The following OSBPL1A variants were observed in gnomAD, a reference collection of about 807,000 sequenced individuals.
OSBPL1A encodes oxysterol-binding protein-related protein 1.
Under a neutral mutation model 137.1 loss-of-function variants are expected in OSBPL1A, and 80 were observed. The observed-to-expected ratio is 0.58, with a 90% CI of 0.49 to 0.70. The LOEUF (loss-of-function observed/expected upper bound fraction) is 0.70, where lower values mean the gene tolerates loss of function less well. OSBPL1A is among the 30% of genes least tolerant of loss of function. The probability of loss-of-function intolerance (pLI) is 0.00; values close to 1 mark genes in which losing one functional copy is unlikely to be tolerated. For missense variants in OSBPL1A, 970 were observed against 1,129.4 expected (o/e 0.86, Z 2.02); for synonymous variants, 365 against 389.7 (o/e 0.94, Z 0.75).
chr18:24,269,472 A>G (rs531380988), intron 15 of OSBPL1A, among the ~76,000 whole-genome samples: 20 of 152,344 alleles, frequency 1.3e-4, no homozygotes, highest in African/African-American at 4.8e-4. Flanking sequence ...AGATGACTAC[A>G]TAGATTTTAG....
intron 7 of OSBPL1A, among the ~76,000 whole-genome samples, chr18:24,328,036 C>CT (rs10563779): frequency 0.012 from 1,195 of 95,618 alleles, 40 homozygotes; most frequent in East Asian, 0.037. Flanking sequence ...AGAAATCACA[C>CT]TTTTTTTTTT....
chr18:24,211,283 A>G (rs1158719689), intron 17 of OSBPL1A, among the ~76,000 whole-genome samples: 1 of 152,190 alleles, frequency 6.6e-6, no homozygotes, highest in Non-Finnish European at 1.5e-5. Context: ...TAACATTTTT[A>G]TAGAAAAAGA....
At chr18:24,204,485 G>A (rs2087313312) in intron 17 of OSBPL1A, among the ~76,000 whole-genome samples, 1 of 151,460 alleles carries the variant, frequency 6.6e-6, no homozygotes, top group South Asian at 2.1e-4. Flanking sequence ...TTACAAACAA[G>A]TATGTCTCCT....
intron 5 of OSBPL1A, 85 bp downstream of exon 5, chr18:24,341,462 T>C: frequency 1.1e-6 from 1 of 908,100 alleles, no homozygotes; most frequent in Non-Finnish European, 1.8e-6. Context: ...CTCTGTTTTG[T>C]CCTCTTTCTC....
intron 4 of OSBPL1A, chr18:24,358,587 G>T (rs768924184): frequency 8.6e-6 from 6 of 696,042 alleles, no homozygotes; most frequent in Non-Finnish European, 1.0e-5. Flanking sequence ...AAGTTGTCTG[G>T]GCATCGCCTG....
chr18:24,250,325 C>T (rs1218207655), intron 15 of OSBPL1A, among the ~76,000 whole-genome samples: 2 of 152,054 alleles, frequency 1.3e-5, no homozygotes, highest in African/African-American at 2.4e-5. Context: ...TACAGGTGCA[C>T]GCTACCACGC....
intron 2 of OSBPL1A, among the ~76,000 whole-genome samples, chr18:24,372,796 G>T (rs1905764886): frequency 6.6e-6 from 1 of 152,128 alleles, no homozygotes; most frequent in Admixed American, 6.6e-5. Flanking sequence ...AGGCACTGCA[G>T]CTCACACCTG....
intron 17 of OSBPL1A, among the ~76,000 whole-genome samples, chr18:24,222,407 C>T (rs1476473272): frequency 6.6e-6 from 1 of 152,018 alleles, no homozygotes; most frequent in Non-Finnish European, 1.5e-5. Flanking sequence ...AGTATCTTTA[C>T]CAAATATAAT....
At chr18:24,213,819 C>T (rs1303357948) in intron 17 of OSBPL1A, among the ~76,000 whole-genome samples, 2 of 152,134 alleles carry the variant, frequency 1.3e-5, no homozygotes, top group Non-Finnish European at 2.9e-5. Context: ...AACTGATTTT[C>T]ACAATGGATT....
intron 17 of OSBPL1A, among the ~76,000 whole-genome samples, chr18:24,200,307 T>C (rs1433940045): frequency 6.6e-6 from 1 of 152,144 alleles, no homozygotes; most frequent in Non-Finnish European, 1.5e-5. Context: ...CTCACGCCTG[T>C]AATCCCAACA....
At chr18:24,285,073 G>A (rs1222093109) in intron 14 of OSBPL1A, among the ~76,000 whole-genome samples, 1 of 152,052 alleles carries the variant, frequency 6.6e-6, no homozygotes, top group Non-Finnish European at 1.5e-5. Flanking sequence ...AAACAACAAC[G>A]ACGACAAAAT....
intron 9 of OSBPL1A, among the ~76,000 whole-genome samples, chr18:24,317,702 G>T (rs1041943223): frequency 7.2e-5 from 11 of 152,074 alleles, no homozygotes; most frequent in African/African-American, 2.7e-4. Flanking sequence ...GGGCTTCAAA[G>T]ACAATTTCCT....
At chr18:24,348,239 A>C (rs754986670) in intron 4 of OSBPL1A, among the ~76,000 whole-genome samples, 8 of 152,210 alleles carry the variant, frequency 5.3e-5, no homozygotes, top group Non-Finnish European at 8.8e-5. Context: ...AGAAAAATCA[A>C]AGATATACCA....
At chr18:24,209,035 A>T (rs1189003554) in intron 17 of OSBPL1A, among the ~76,000 whole-genome samples, 1 of 152,224 alleles carries the variant, frequency 6.6e-6, no homozygotes, top group Non-Finnish European at 1.5e-5. Flanking sequence ...CCCCCAAGAG[A>T]GCACTAACAT....
Position 24,163,043 on chromosome 18 carries a change from G to T in OSBPL1A, c.*136C>A. ...TCGCCTTATACCCTGCTTTTGTTGG[G>T]TGAAATGCAGTTATCTCATGAGTGT... On this transcript the variant is annotated 3_prime_UTR_variant, in exon 28 of 28. Transcript: ENST00000319481. 1 of 608,612 alleles carries T rather than the reference G, an allele frequency of 1.6e-6. No individual in the cohort carries two copies. The highest frequency in any genetic ancestry group is 3.0e-5 in the East Asian group (1 of 33,024). The allele number at this position is 608,612 out of a possible 1,614,324, so 37.7% of individuals were successfully genotyped here.
chr18:24,275,154 C>T (rs1303800783), intron 15 of OSBPL1A, among the ~76,000 whole-genome samples: 1 of 152,090 alleles, frequency 6.6e-6, no homozygotes, highest in African/African-American at 2.4e-5. Context: ...GAAAGTATCA[C>T]ATTTTCAAAA....
At chr18:24,387,341 C>T (rs1267525982) in intron 1 of OSBPL1A, among the ~76,000 whole-genome samples, 1 of 152,160 alleles carries the variant, frequency 6.6e-6, no homozygotes, top group Non-Finnish European at 1.5e-5. Flanking sequence ...AGGCATGAGC[C>T]ACCATGCCCA....
chr18:24,177,614 C>A (rs1230952122), intron 21 of OSBPL1A, among the ~76,000 whole-genome samples: 1 of 152,146 alleles, frequency 6.6e-6, no homozygotes, highest in Non-Finnish European at 1.5e-5. Context: ...AAGAGAACTC[C>A]CAATTTATCT....
At chr18:24,187,293 G>C (rs1599458461) in intron 18 of OSBPL1A, among the ~76,000 whole-genome samples, 1 of 152,300 alleles carries the variant, frequency 6.6e-6, no homozygotes, top group East Asian at 1.9e-4. Flanking sequence ...AAGCTGAAGA[G>C]AGTTCTGTGG....
Sources: gnomAD v4.1 joint callset for allele counts (sites outside exome capture counted in the v4.1 genomes callset) on GRCh38, gnomAD v4.1.1 for gene constraint, MANE v1.5 for transcripts, NCBI Gene and HGNC (gene_info 2026-07-23, HGNC 2026-07-21) for gene names.